RAI14: variants seen among roughly 807,000 people sequenced by gnomAD.
The protein encoded by RAI14 is ankycorbin.
A neutral mutation model predicts 115.4 loss-of-function variants in RAI14; 45 were observed. The ratio of observed to expected loss-of-function variants is 0.39; its 90% CI spans 0.31 to 0.50. The LOEUF (loss-of-function observed/expected upper bound fraction) is 0.50. Among genes scored for constraint, RAI14 ranks in the 20% least tolerant of loss-of-function variants. RAI14 has a pLI of 0.85. For missense variants in RAI14, 939 were observed against 1,131.2 expected, an observed-to-expected ratio of 0.83 and a Z score of 2.44; for synonymous variants, 371 against 415.4, an observed-to-expected ratio of 0.89 and a Z score of 1.30.
chr5:34,803,617 A>G, intron 4 of RAI14, 95 bp from the exon 5 acceptor site: 1 of 1,049,960 alleles, frequency 9.5e-7, no homozygotes, highest in Non-Finnish European at 1.4e-6. Flanking sequence ...ATAACAACCT[A>G]TTTCCTTATA....
intron 1 of RAI14, among the ~76,000 whole-genome samples, chr5:34,682,285 A>G (rs925469985): frequency 6.6e-6 from 1 of 152,136 alleles, no homozygotes; most frequent in Non-Finnish European, 1.5e-5. Context: ...GTACAAATGA[A>G]TGGTTTTTAG....
intron 6 of RAI14, among the ~76,000 whole-genome samples, chr5:34,808,301 T>C (rs1039636794): frequency 4.6e-5 from 7 of 152,242 alleles, no homozygotes; most frequent in African/African-American, 7.2e-5. Flanking sequence ...ACATGTGTTT[T>C]ATTGCTAGTT....
At position 34,757,566 on chromosome 5, in the gene RAI14, T is replaced by C. The variant is rs1748064136; in HGVS notation, c.135T>C (p.Ser45=). The C allele has an allele frequency of 6.2e-7, 1 of 1,613,652 alleles. No homozygotes were observed. The highest frequency in any genetic ancestry group is 2.2e-5 in the East Asian group (1 of 44,892). ...VASLLGKKGA[S]ATKHDSEGKT... ...CACTGCTCGGCAAGAAGGGGGCCAG[T>C]GCCACCAAACACGACAGTGAGGGCA... The change falls in exon 3 of 18, where the codon AGT becomes AGC. Residue 45 remains serine (S), a synonymous_variant. Transcript: ENST00000265109.
At chr5:34,816,288 G>C (rs1045994195) in intron 12 of RAI14, among the ~76,000 whole-genome samples, 11 of 151,896 alleles carry the variant, frequency 7.2e-5, no homozygotes, top group Admixed American at 2.0e-4. Context: ...TTTTTAAAAA[G>C]AGACAAAGAT....
intron 3 of RAI14, among the ~76,000 whole-genome samples, chr5:34,793,785 G>A (rs560588721): frequency 5.3e-5 from 8 of 152,168 alleles, no homozygotes; most frequent in African/African-American, 1.9e-4. Context: ...CATAGGAGAT[G>A]GCATAGTGAA....
chr5:34,786,562 G>A (rs745678516), intron 3 of RAI14, among the ~76,000 whole-genome samples: 1 of 152,148 alleles, frequency 6.6e-6, no homozygotes, highest in Non-Finnish European at 1.5e-5. Context: ...AGGTTCCAAG[G>A]TGGAACGAAC....
chr5:34,752,739 G>GTATATATATA (rs1315594173), intron 2 of RAI14, among the ~76,000 whole-genome samples: 57 of 105,724 alleles, frequency 5.4e-4, no homozygotes, highest in Non-Finnish European at 7.8e-4. Flanking sequence ...GTGTGTGTGT[G>GTATATATATA]TGTGTGTGTG....
chr5:34,823,047 G>A lies in RAI14; in HGVS notation c.1205G>A (p.Gly402Asp), dbSNP rs1411440102. ...TTGGGCCCATCCCTGGGAAAACCTG[G>A]TGAAACCTCTCCCCCAGACTCCAAA... is the stretch of plus-strand genomic sequence containing the variant. ...TDLGPSLGKP[G>D]ETSPPDSKSS... Residue 402 changes from glycine to aspartate, a missense_variant, in exon 15 of 18, where the codon GGT becomes GAT. Coordinates refer to ENST00000265109, the MANE Select transcript of RAI14 (RefSeq NM_015577.3). The surrounding 1 kb of genome is among the most constrained non-coding windows in gnomAD (Gnocchi z 4.5). The A allele has an allele frequency of 1.9e-6, 3 of 1,613,554 alleles. No homozygotes were observed. The East Asian group carries it at 6.7e-5, about 36-fold the overall frequency.
At chr5:34,708,683 G>C (rs1384370948) in intron 2 of RAI14, among the ~76,000 whole-genome samples, 1 of 152,162 alleles carries the variant, frequency 6.6e-6, no homozygotes, top group Non-Finnish European at 1.5e-5. Flanking sequence ...ATATTTGGAT[G>C]TTTTGCCAAG....
At chr5:34,777,282 A>G (rs892179822) in intron 3 of RAI14, among the ~76,000 whole-genome samples, 3 of 152,244 alleles carry the variant, frequency 2.0e-5, no homozygotes, top group Non-Finnish European at 4.4e-5. Context: ...CAATCAATGG[A>G]CCAATAAATA....
intron 2 of RAI14, chr5:34,716,774 T>G (rs1223629188): frequency 6.6e-6 from 1 of 152,202 alleles, no homozygotes; most frequent in Admixed American, 6.5e-5. Context: ...TTCACTCTTT[T>G]CTCCTGCTTT....
intron 9 of RAI14, 93 bp downstream of exon 9, chr5:34,812,038 TTATTCTTTTAAACA>T: frequency 7.6e-7 from 1 of 1,316,706 alleles, no homozygotes; most frequent in Middle Eastern, 2.7e-4. Context: ...ATATATTTTA[TTATTCTTTTAAACA>T]TATTCTTGAA....
At chr5:34,817,262 C>A (rs6877053) in intron 12 of RAI14, among the ~76,000 whole-genome samples, 1 of 139,522 alleles carries the variant, frequency 7.2e-6, no homozygotes, top group Non-Finnish European at 1.5e-5. Context: ...GGGCGACAGA[C>A]ACTCCATCTC....
At chr5:34,739,836 C>T (rs150302465) in intron 2 of RAI14, among the ~76,000 whole-genome samples, 5,842 of 152,042 alleles carry the variant, frequency 0.038, 150 homozygotes, top group Middle Eastern at 0.068. Context: ...CCGAGGCGGG[C>T]GGATCACCTG....
rs1755525686 is a variant in RAI14, at chr5:34,811,069, T to C, written c.508T>C (p.Phe170Leu). The change falls in exon 8 of 18, where the codon TTT becomes CTT. Residue 170 changes from phenylalanine (F) to leucine (L), a missense_variant. Coordinates refer to ENST00000265109, the MANE Select transcript of RAI14 (RefSeq NM_015577.3). Reference sequence around the variant, plus strand: ...AAATGGTCACAGTGAGATCTGTCACTTTCTCCTGGATCATGGAGCAGATGT... The same window carrying C: ...AAATGGTCACAGTGAGATCTGTCACCTTCTCCTGGATCATGGAGCAGATGT... ...VQNGHSEICH[F>L]LLDHGADVNS... 6.2e-7 allele frequency: 1 copy of C among 1,614,132 alleles called. No individual in the cohort carries two copies.
chr5:34,830,929 G>A lies in RAI14; in HGVS notation c.*164G>A, dbSNP rs201186766. 3.1e-4 allele frequency: 408 copies of A among 1,297,924 alleles called. 2 individuals carry two copies. The African/African-American group carries it at 5.9e-3, about 19-fold the overall frequency. The allele number at this position is 1,297,924 out of a possible 1,614,324, so 80.4% of individuals were successfully genotyped here. A position where few individuals can be genotyped will look rare whatever the true frequency, so the allele number is the denominator to read the frequency against. The stretch of plus-strand genomic sequence containing the variant: ...TGAGGACTTCTCCCAGGAGAAGACT[G>A]CCCGCCTCAGAACTGCTTAGAGACT... On this transcript the variant is annotated 3_prime_UTR_variant, in exon 18 of 18. Transcript: ENST00000265109.
intron 2 of RAI14, among the ~76,000 whole-genome samples, chr5:34,739,268 T>A (rs1368663299): frequency 6.6e-6 from 1 of 152,216 alleles, no homozygotes; most frequent in Admixed American, 6.5e-5. Flanking sequence ...TTATCTCGTG[T>A]CTTGCAGTTG....
At chr5:34,796,259 A>G (rs540438319) in intron 4 of RAI14, among the ~76,000 whole-genome samples, 129 of 152,196 alleles carry the variant, frequency 8.5e-4, no homozygotes, top group Admixed American at 9.2e-4. Context: ...TTAGCCAGGC[A>G]TGGTGGCATG....
At chr5:34,685,208 C>T (rs1278158951) in intron 1 of RAI14, 1 of 146,076 alleles carries the variant, frequency 6.8e-6, no homozygotes, top group Non-Finnish European at 1.5e-5. Context: ...ATAGTGAGAC[C>T]CCATTCGCCA....
Sources: gnomAD v4.1 joint callset for allele counts (sites outside exome capture counted in the v4.1 genomes callset) on GRCh38, gnomAD v4.1.1 for gene constraint, Gnocchi (gnomAD v3.1) non-coding constraint, MANE v1.5 for transcripts, NCBI Gene and HGNC (gene_info 2026-07-23, HGNC 2026-07-21) for gene names.